TMEM258: variants seen among roughly 807,000 people sequenced by gnomAD.
TMEM258 encodes dolichyl-diphosphooligosaccharide--protein glycosyltransferase subunit TMEM258.
Under a neutral mutation model 9.9 loss-of-function variants are expected in TMEM258, and 11 were observed. That is an observed-to-expected ratio of 1.11 (90% CI 0.70 to 1.85). The LOEUF is 1.85. Among genes scored for constraint, TMEM258 ranks in the 40% most tolerant of loss-of-function variants. The pLI, the probability that TMEM258 is intolerant of heterozygous loss-of-function variation, is 0.00. For missense variants in TMEM258, 81 were observed against 99.7 expected, an observed-to-expected ratio of 0.81 and a Z score of 0.80; for synonymous variants, 40 against 39.1, an observed-to-expected ratio of 1.02 and a Z score of -0.09.
chr11:61,792,536 A>G lies in TMEM258; in HGVS notation c.3+20T>C. On this transcript the variant is annotated intron_variant, in intron 1 of 3. Transcript: ENST00000537328. ...AGGGGTCCTCGCATCTCCGTCTGGA[A>G]CTCCCCTCAACGCTCTCACCATTTT... 6.2e-7 allele frequency: 1 copy of G among 1,613,560 alleles called. No individual in the cohort carries two copies. The highest frequency in any genetic ancestry group is 8.5e-7 in the Non-Finnish European group (1 of 1,179,818).
At chr11:61,791,052 A>T (rs2066780688) in intron 1 of TMEM258, among the ~76,000 whole-genome samples, 1 of 151,750 alleles carries the variant, frequency 6.6e-6, no homozygotes, top group African/African-American at 2.4e-5. Context: ...CCCGGGTTCT[A>T]GAGATTCTCA....
chr11:61,792,409 C>T (rs2066791390), intron 1 of TMEM258, 147 bp downstream of exon 1: 2 of 1,160,334 alleles, frequency 1.7e-6, no homozygotes, highest in Non-Finnish European at 2.6e-6. Flanking sequence ...CAAGGGGCTT[C>T]CCCCTTCCCC....
At chr11:61,791,101 A>C (rs2066781001) in intron 1 of TMEM258, among the ~76,000 whole-genome samples, 1 of 152,052 alleles carries the variant, frequency 6.6e-6, no homozygotes, top group African/African-American at 2.4e-5. Context: ...ATAGGATTAC[A>C]GGTGCGCACC....
rs1373136703 is a variant in TMEM258, at chr11:61,789,728, A to G, written c.*10+57T>C. On this transcript the variant is annotated intron_variant, in intron 3 of 3. Transcript: ENST00000537328. ...GGACCCTGCTGACCTGACTCTGGGG[A>G]GGCTTCCCTGGGCTGTGCCTTGGAG... The G allele has an allele frequency of 4.6e-6, 7 of 1,533,142 alleles. No individual in the cohort carries two copies. The East Asian group carries it at 1.6e-4, about 36-fold the overall frequency. The allele number at this position is 1,533,142 out of a possible 1,614,324, so 95.0% of individuals were successfully genotyped here.
chr11:61,790,874 T>C (rs36203059), intron 1 of TMEM258, among the ~76,000 whole-genome samples: 32 of 152,288 alleles, frequency 2.1e-4, no homozygotes, highest in African/African-American at 7.7e-4. Flanking sequence ...TGTGGACCAG[T>C]GTCTATAGAC....
chr11:61,790,067 A>G, intron 2 of TMEM258, 146 bp from the exon 3 acceptor site: 2 of 1,000,602 alleles, frequency 2.0e-6, no homozygotes, highest in Non-Finnish European at 2.8e-6. Flanking sequence ...GGGGCCTAAG[A>G]GATGCCTTGG....
intron 1 of TMEM258, 68 bp downstream of exon 1, chr11:61,792,488 A>C (rs1209093683): frequency 1.2e-6 from 2 of 1,608,882 alleles, no homozygotes; most frequent in Non-Finnish European, 1.7e-6. Context: ...TGAGGAGATA[A>C]GCGCGGTGTG....
intron 1 of TMEM258, chr11:61,792,313 G>A (rs1168203203): frequency 1.8e-6 from 1 of 571,270 alleles, no homozygotes; most frequent in Non-Finnish European, 3.1e-6. Flanking sequence ...CGATAACAGA[G>A]ATATACAAAC....
intron 1 of TMEM258, 72 bp from the exon 2 acceptor site, chr11:61,790,674 C>CA: frequency 7.4e-7 from 1 of 1,350,520 alleles, no homozygotes; most frequent in South Asian, 1.3e-5. Flanking sequence ...ATGCGGTTAT[C>CA]AAGGAGCCTG....
At chr11:61,790,400 CAAA>C in intron 2 of TMEM258, 90 bp downstream of exon 2, 3 of 1,145,818 alleles carry the variant, frequency 2.6e-6, no homozygotes, top group Non-Finnish European at 3.9e-6. Flanking sequence ...ATCCAATGTA[CAAA>C]ACCGGCGGGG....
chr11:61,790,260 C>G, intron 2 of TMEM258: 1 of 589,578 alleles, frequency 1.7e-6, no homozygotes, highest in East Asian at 2.8e-5. Context: ...TCCACTCCAG[C>G]CAGGTCCCCT....
At position 61,792,571 on chromosome 11, in the gene TMEM258, A is replaced by G; in HGVS notation, c.-13T>C. The stretch of plus-strand genomic sequence containing the variant: ...ACGCTCTCACCATTTTGCCCCGCGA[A>G]GGCTAATCCGCCGCTCCGCCACCGG... On this transcript the variant is annotated 5_prime_UTR_variant, in exon 1 of 4. Coordinates refer to ENST00000537328, the MANE Select transcript of TMEM258 (RefSeq NM_014206.4). The G allele has an allele frequency of 6.2e-7, 1 of 1,613,788 alleles. No homozygotes were observed. Among genetic ancestry groups the G allele is most frequent in the Non-Finnish European group, 8.5e-7 (1 of 1,180,016 alleles).
At chr11:61,791,823 GGGCT>G (rs1369067301) in intron 1 of TMEM258, 3 of 152,176 alleles carry the variant, frequency 2.0e-5, no homozygotes, top group Non-Finnish European at 2.9e-5. Context: ...TTATGAAAGA[GGGCT>G]GTAAACGTAA....
chr11:61,790,062 C>T (rs2066771382), intron 2 of TMEM258, 141 bp from the exon 3 acceptor site: 1 of 1,028,314 alleles, frequency 9.7e-7, no homozygotes, highest in Non-Finnish European at 1.4e-6. Context: ...GCAGAGGGGC[C>T]TAAGAGATGC....
At chr11:61,790,411 G>A (rs1270726921) in intron 2 of TMEM258, 82 bp downstream of exon 2, 2 of 1,221,320 alleles carry the variant, frequency 1.6e-6, no homozygotes, top group African/African-American at 1.5e-5. Context: ...AAAACCGGCG[G>A]GGTCCATGTA....
chr11:61,790,667 C>CG, intron 1 of TMEM258, 65 bp from the exon 2 acceptor site: 1 of 1,425,288 alleles, frequency 7.0e-7, no homozygotes, highest in African/African-American at 1.4e-5. Context: ...AGAGAACATG[C>CG]GGTTATCAAG....
At position 61,789,918 on chromosome 11, in the gene TMEM258, G is replaced by A. The variant is rs563564448; in HGVS notation, c.117C>T (p.Tyr39=). The part of the protein sequence containing the change: ...GMFFTAWFFV[Y]EVTSTKYTRD... ...GAGTGTACTTGGTAGAGGTGACCTC[G>A]TAACTGGGCACAGCAGTTAAGGCAA... is the stretch of plus-strand genomic sequence containing the variant. The change falls in exon 3 of 4, where the codon TAC becomes TAT. Residue 39 remains tyrosine, a synonymous_variant. Transcript: ENST00000537328. 28 of 1,612,820 alleles carry A rather than the reference G, an allele frequency of 1.7e-5. No homozygotes were observed. In the East Asian group the frequency reaches 2.5e-4, roughly 14 times the overall value.
Position 61,790,507 on chromosome 11 carries a change from G to A in TMEM258, c.99C>T (p.Thr33=), listed in dbSNP as rs369511941. Residue 33 remains threonine, a synonymous_variant, in exon 2 of 4, where the codon ACC becomes ACT. Transcript: ENST00000537328. Reference sequence around the variant, plus strand: ...TGAAAGGATACACGAAGAACCAGGCGGTGAAGAACATGCCAATGGCCAAAA... The same window carrying A: ...TGAAAGGATACACGAAGAACCAGGCAGTGAAGAACATGCCAATGGCCAAAA... ...VVLLAIGMFF[T]AWFFVYEVTS... 4.2e-5 allele frequency: 68 copies of A among 1,613,870 alleles called. 1 individual carries two copies. Among genetic ancestry groups the A allele is most frequent in the Admixed American group, 2.7e-4 (16 of 59,978 alleles).
chr11:61,789,945 G>C (rs769542011), intron 2 of TMEM258, 24 bp from the exon 3 acceptor site: 1 of 1,608,282 alleles, frequency 6.2e-7, no homozygotes, highest in Non-Finnish European at 8.5e-7. Context: ...TTAAGGCAAA[G>C]CGAAGGGGTG....
Sources: allele counts gnomAD v4.1 joint callset (sites outside exome capture counted in the v4.1 genomes callset), GRCh38; gene constraint gnomAD v4.1.1; transcripts MANE v1.5; gene names NCBI Gene and HGNC (gene_info 2026-07-23, HGNC 2026-07-21).